AP4S1: variants seen among roughly 807,000 people sequenced by gnomAD.
AP4S1 encodes the protein AP-4 complex subunit sigma-1.
Under a neutral mutation model 19.8 loss-of-function variants are expected in AP4S1, and 23 were observed. That is an observed-to-expected ratio of 1.16 (90% confidence interval 0.84 to 1.65). The LOEUF (loss-of-function observed/expected upper bound fraction) is 1.65, where lower values mean the gene tolerates loss of function less well. Among genes scored for constraint, AP4S1 ranks in the 40% most tolerant of loss-of-function variants. The probability of loss-of-function intolerance (pLI) is 0.00; values close to 1 mark genes in which losing one functional copy is unlikely to be tolerated. For missense variants in AP4S1, 166 were observed against 172.8 expected, an observed-to-expected ratio of 0.96 and a Z score of 0.22; for synonymous variants, 46 against 54.1, an observed-to-expected ratio of 0.85 and a Z score of 0.66.
At chr14:31,064,881 G>A (rs996563634) in intron 1 of AP4S1, among the ~76,000 whole-genome samples, 1 of 152,154 alleles carries the variant, frequency 6.6e-6, no homozygotes. Flanking sequence ...CTTGAGTCCA[G>A]AGGCAGAAGC....
chr14:31,069,856 A>G lies in AP4S1; in HGVS notation c.152A>G (p.Glu51Gly). The change falls in exon 3 of 6, where the codon GAA becomes GGA. Residue 51 changes from glutamate to glycine, a missense_variant. Physicochemically the swap from Glu to Gly is moderately conservative, Grantham distance 98 (BLOSUM62 -2). Coordinates refer to ENST00000542754, the MANE Select transcript of AP4S1 (RefSeq NM_001128126.3). The stretch of plus-strand genomic sequence containing the variant: ...TGTTTTGTCTAGTGCTCTTTCATTG[A>G]ATATAAGGATTTTAAGCTGATATAT... ...SRSNEQCSFI[E>G]YKDFKLIYRQ... The G allele has an allele frequency of 1.2e-6, 2 of 1,612,632 alleles. No individual in the cohort carries two copies. Among genetic ancestry groups the G allele is most frequent in the Non-Finnish European group, 1.7e-6 (2 of 1,178,688 alleles).
chr14:31,073,465 G>A (rs1340258590), intron 4 of AP4S1, among the ~76,000 whole-genome samples: 2 of 146,742 alleles, frequency 1.4e-5, no homozygotes, highest in East Asian at 2.0e-4. Flanking sequence ...ACTCCAGCCT[G>A]GGCAACAGAG....
intron 5 of AP4S1, among the ~76,000 whole-genome samples, chr14:31,092,054 A>G (rs1888091643): frequency 6.6e-6 from 1 of 152,188 alleles, no homozygotes; most frequent in Non-Finnish European, 1.5e-5. Context: ...TAGTCTAACA[A>G]TATTTTCTTC....
At chr14:31,040,476 G>C (rs1272890445) in intron 1 of AP4S1, among the ~76,000 whole-genome samples, 1 of 152,070 alleles carries the variant, frequency 6.6e-6, no homozygotes, top group Non-Finnish European at 1.5e-5. Flanking sequence ...GGTTTGATTT[G>C]AACTTAAAAT....
intron 4 of AP4S1, among the ~76,000 whole-genome samples, chr14:31,075,404 C>T (rs927590032): frequency 1.3e-5 from 2 of 151,748 alleles, no homozygotes; most frequent in African/African-American, 4.8e-5. Flanking sequence ...GTATATATAC[C>T]GTATTTTCTT....
In AP4S1 at chr14:31,093,948, G is replaced by A. The variant is rs1217686569; in HGVS notation, c.*913G>A. ...CTGCCTCAGCCTCCTGAGTAGCTGC[G>A]ACTACAGGCATGTAGTCCCCAGGAG... On this transcript the variant is annotated 3_prime_UTR_variant, in exon 6 of 6. Transcript: ENST00000542754. 1 of 152,394 alleles carries A rather than the reference G, an allele frequency of 6.6e-6. No homozygotes were observed. Among genetic ancestry groups the A allele is most frequent in the Non-Finnish European group, 1.5e-5 (1 of 68,234 alleles). 9.4% of individuals were successfully genotyped at this position (152,394 alleles called of 1,614,324 possible).
At chr14:31,089,855 G>A (rs1382391338) in intron 5 of AP4S1, among the ~76,000 whole-genome samples, 2 of 152,114 alleles carry the variant, frequency 1.3e-5, no homozygotes, top group East Asian at 3.9e-4. Flanking sequence ...GGAGATGGAG[G>A]TTACAGTGAG....
intron 2 of AP4S1, 48 bp from the exon 3 acceptor site, chr14:31,069,795 A>G (rs766314010): frequency 7.1e-6 from 10 of 1,399,156 alleles, no homozygotes; most frequent in Non-Finnish European, 9.1e-6. Context: ...CATTTTAAAG[A>G]ACTCTCTCTC....
chr14:31,052,008 C>T (rs1366170336), intron 1 of AP4S1, among the ~76,000 whole-genome samples: 1 of 152,174 alleles, frequency 6.6e-6, no homozygotes, highest in Non-Finnish European at 1.5e-5. Context: ...AGATGACTCA[C>T]TCCTATAATG....
intron 1 of AP4S1, among the ~76,000 whole-genome samples, chr14:31,051,571 C>A (rs561136555): frequency 1.3e-5 from 2 of 152,178 alleles, no homozygotes; most frequent in Non-Finnish European, 2.9e-5. Flanking sequence ...TAGTTGTAAT[C>A]CATGTGAATG....
intron 5 of AP4S1, chr14:31,084,966 C>G (rs1367718692): frequency 1.1e-5 from 18 of 1,594,168 alleles, no homozygotes; most frequent in Non-Finnish European, 1.5e-5. Context: ...CTGCTCTACG[C>G]GTGAAGGTAC....
Position 31,093,345 on chromosome 14 carries a change from A to G in AP4S1, c.*310A>G, listed in dbSNP as rs1300557025. 2 of 178,228 alleles carry G rather than the reference A, an allele frequency of 1.1e-5. No individual in the cohort carries two copies. The highest frequency in any genetic ancestry group is 1.3e-4 in the Admixed American group (2 of 15,748). 11.0% of individuals were successfully genotyped at this position (178,228 alleles called of 1,614,324 possible). A position where few individuals can be genotyped will look rare whatever the true frequency, so the allele number is the denominator to read the frequency against. ...CCTTCTTGGTCTATGCTTCTTTTGC[A>G]AATTGAATTCAGGAATAGCAGGATG... On this transcript the variant is annotated 3_prime_UTR_variant, in exon 6 of 6. Transcript: ENST00000542754.
intron 1 of AP4S1, among the ~76,000 whole-genome samples, chr14:31,059,842 C>G (rs1406171832): frequency 1.3e-5 from 2 of 151,610 alleles, no homozygotes; most frequent in Non-Finnish European, 2.9e-5. Flanking sequence ...GGGCCTGGCT[C>G]TTTACAGCTT....
At chr14:31,033,953 A>G (rs1307246353) in intron 1 of AP4S1, among the ~76,000 whole-genome samples, 1 of 152,224 alleles carries the variant, frequency 6.6e-6, no homozygotes, top group East Asian at 1.9e-4. Flanking sequence ...GTCAAAATTG[A>G]AAAGAAAAAG....
chr14:31,053,102 A>T (rs1885899152), intron 1 of AP4S1, among the ~76,000 whole-genome samples: 1 of 151,936 alleles, frequency 6.6e-6, no homozygotes, highest in South Asian at 2.1e-4. Flanking sequence ...CACCATGCCC[A>T]GCTAATTTTT....
chr14:31,040,596 A>G (rs933284365), intron 1 of AP4S1, among the ~76,000 whole-genome samples: 1 of 152,150 alleles, frequency 6.6e-6, no homozygotes, highest in African/African-American at 2.4e-5. Flanking sequence ...AATGTACTAT[A>G]TGAGAAAAAT....
chr14:31,071,808 G>T (rs1256395774), intron 3 of AP4S1, among the ~76,000 whole-genome samples: 4 of 152,068 alleles, frequency 2.6e-5, no homozygotes, highest in Non-Finnish European at 5.9e-5. Context: ...CTCCTGGCCT[G>T]AAGTGATCCT....
rs1293091790 is a variant in AP4S1, at chr14:31,094,527, C to G, written c.*1492C>G. On this transcript the variant is annotated 3_prime_UTR_variant, in exon 6 of 6. Coordinates refer to ENST00000542754, the MANE Select transcript of AP4S1 (RefSeq NM_001128126.3). ...AGAAGATTTCTTGAGCCCAGGAGTT[C>G]GAGTCTGCAGTGAGCTATGATCGTG... 2.0e-5 allele frequency: 3 copies of G among 152,266 alleles called. No homozygotes were observed. Among genetic ancestry groups the G allele is most frequent in the South Asian group, 4.1e-4 (2 of 4,830 alleles). 9.4% of individuals were successfully genotyped at this position (152,266 alleles called of 1,614,324 possible).
chr14:31,039,668 G>T (rs1159177626), intron 1 of AP4S1, among the ~76,000 whole-genome samples: 1 of 151,188 alleles, frequency 6.6e-6, no homozygotes, highest in Non-Finnish European at 1.5e-5. Flanking sequence ...CGCCTCCCGG[G>T]TTCACGCCAT....
Sources: allele counts gnomAD v4.1 joint callset (sites outside exome capture counted in the v4.1 genomes callset), GRCh38; gene constraint gnomAD v4.1.1; transcripts MANE v1.5; gene names NCBI Gene and HGNC (gene_info 2026-07-23, HGNC 2026-07-21).